The following LGALS8 variants were observed in gnomAD, a reference collection of about 807,000 sequenced individuals.
LGALS8 encodes galectin 8, also known as galectin-8.
A neutral mutation model predicts 35.9 loss-of-function variants in LGALS8; 30 were observed. That is an observed-to-expected ratio of 0.83 (90% CI 0.62 to 1.13). The LOEUF (loss-of-function observed/expected upper bound fraction) is 1.13, where lower values mean the gene tolerates loss of function less well. Ranked by LOEUF, LGALS8 falls within the 50% of genes most tolerant of loss-of-function variation. The probability of loss-of-function intolerance (pLI) is 0.00; values close to 1 mark genes in which losing one functional copy is unlikely to be tolerated. For synonymous variants in LGALS8, 138 were observed against 136.1 expected, an observed-to-expected ratio of 1.01 and a Z score of -0.10; for missense variants, 366 against 388.7, an observed-to-expected ratio of 0.94 and a Z score of 0.49.
Position 236,542,785 on chromosome 1 carries a change from C to T in LGALS8, c.547C>T (p.Leu183Phe), listed in dbSNP as rs751039573. The change falls in exon 7 of 10, where the codon CTT becomes TTT. Residue 183 changes from leucine to phenylalanine, a missense_variant and splice_region_variant. Transcript: ENST00000366584. The stretch of plus-strand genomic sequence containing the variant: ...GGTTCCAAAGTCTGGCACGCCCCAG[C>T]TTGTGAGTATTTTTGCCTGGGTTAT... ...ENVPKSGTPQ[L>F]RLPFAARLNT... 3.1e-5 allele frequency: 50 copies of T among 1,614,166 alleles called. No homozygotes were observed. The highest frequency in any genetic ancestry group is 4.2e-5 in the Non-Finnish European group (49 of 1,180,008).
At chr1:236,537,068 GCA>G (rs1661571583) in intron 2 of LGALS8, among the ~76,000 whole-genome samples, 1 of 146,720 alleles carries the variant, frequency 6.8e-6, no homozygotes, top group Non-Finnish European at 1.5e-5. Flanking sequence ...CCAGGCTGGA[GCA>G]TAGTGGCGCG....
At chr1:236,525,166 G>T (rs1286258723) in intron 1 of LGALS8, among the ~76,000 whole-genome samples, 1 of 152,116 alleles carries the variant, frequency 6.6e-6, no homozygotes, top group Non-Finnish European at 1.5e-5. Flanking sequence ...AGTATTAAAA[G>T]TATTGGATTT....
intron 5 of LGALS8, 130 bp from the exon 6 acceptor site, chr1:236,541,524 T>C (rs1190780131): frequency 3.6e-6 from 2 of 563,080 alleles, no homozygotes; most frequent in African/African-American, 4.0e-5. Flanking sequence ...CAGTGTCAAG[T>C]GTATTTTTGG....
At chr1:236,531,144 T>A (rs890533245) in intron 2 of LGALS8, among the ~76,000 whole-genome samples, 2 of 152,208 alleles carry the variant, frequency 1.3e-5, no homozygotes, top group African/African-American at 4.8e-5. Flanking sequence ...GTAAAACTTA[T>A]GTAAGCAGTC....
In LGALS8 at chr1:236,526,039, A is replaced by C. The variant is rs1660796458; in HGVS notation, c.-32A>C. The C allele has an allele frequency of 6.3e-7, 1 of 1,594,692 alleles. No homozygotes were observed. The highest frequency in any genetic ancestry group is 8.6e-7 in the Non-Finnish European group (1 of 1,162,782). ...CCTAAAATCTTAGGTCATACACAGA[A>C]GAGACTCCAATCGACAAGAAGCTGG... is the stretch of plus-strand genomic sequence containing the variant. On this transcript the variant is annotated 5_prime_UTR_variant, in exon 2 of 10. Transcript: ENST00000366584. This position sits in a 1 kb window ranked among gnomAD's most constrained non-coding sequence, Gnocchi z 4.6.
Position 236,523,996 on chromosome 1 carries a change from C to T in LGALS8, c.-169C>T. 2.5e-6 allele frequency: 1 copy of T among 398,340 alleles called. No individual in the cohort carries two copies. Among genetic ancestry groups the T allele is most frequent in the Non-Finnish European group, 5.1e-6 (1 of 197,296 alleles). The allele number at this position is 398,340 out of a possible 1,614,324, so 24.7% of individuals were successfully genotyped here. On this transcript the variant is annotated 5_prime_UTR_variant, in exon 1 of 10. Transcript: ENST00000366584. Reference sequence around the variant, plus strand: ...CGCCCACGGACGCCAGAGCCGGGAACCCTGACGGCACTTAGCTGCTGACAA... The same window carrying T: ...CGCCCACGGACGCCAGAGCCGGGAATCCTGACGGCACTTAGCTGCTGACAA...
In LGALS8 at chr1:236,524,007, C is replaced by G. The variant is rs1438883981; in HGVS notation, c.-158C>G. 4.8e-6 allele frequency: 2 copies of G among 414,878 alleles called. No individual in the cohort carries two copies. Among genetic ancestry groups the G allele is most frequent in the South Asian group, 3.4e-5 (2 of 58,738 alleles). 25.7% of individuals were successfully genotyped at this position (414,878 alleles called of 1,614,324 possible). A position where few individuals can be genotyped will look rare whatever the true frequency, so the allele number is the denominator to read the frequency against. Reference sequence around the variant, plus strand: ...GCCAGAGCCGGGAACCCTGACGGCACTTAGCTGCTGACAAACAACCTGCTC... The same window carrying G: ...GCCAGAGCCGGGAACCCTGACGGCAGTTAGCTGCTGACAAACAACCTGCTC... On this transcript the variant is annotated 5_prime_UTR_variant, in exon 1 of 10. Transcript: ENST00000366584.
intron 2 of LGALS8, chr1:236,536,611 AGTTCTCT>A (rs1189143877): frequency 6.6e-6 from 1 of 152,288 alleles, no homozygotes; most frequent in African/African-American, 2.4e-5. Flanking sequence ...ATGATCATGC[AGTTCTCT>A]GGTTTCTAAC....
chr1:236,532,500 C>T (rs888906730), intron 2 of LGALS8, among the ~76,000 whole-genome samples: 4 of 152,282 alleles, frequency 2.6e-5, no homozygotes, highest in South Asian at 2.1e-4. Context: ...GCTCTGCCAA[C>T]GCTTCACACC....
upstream of LGALS8, among the ~76,000 whole-genome samples, chr1:236,521,138 C>T (rs1272273959): frequency 1.3e-5 from 2 of 152,128 alleles, no homozygotes; most frequent in Non-Finnish European, 2.9e-5. Flanking sequence ...AGTTTATAGT[C>T]TTATGATGGG....
rs1662565928 is a variant in LGALS8 at position 236,548,691 on chromosome 1, A to ACACAACTCCTTC, written c.*532_*543dup. ...ACCCGAAGACACTAACTTACAGAAGACACAACTCCTTCCCCAGTGATCACT... is the reference window on the plus strand; with the variant it reads ...ACCCGAAGACACTAACTTACAGAAGACACAACTCCTTCCACAACTCCTTCCCCAGTGATCACT... On this transcript the variant is annotated 3_prime_UTR_variant, in exon 10 of 10. Coordinates refer to ENST00000366584, the MANE Select transcript of LGALS8 (RefSeq NM_201544.4). 2.6e-6 allele frequency: 1 copy of ACACAACTCCTTC among 377,830 alleles called. No homozygotes were observed. The highest frequency in any genetic ancestry group is 1.5e-4 in the South Asian group (1 of 6,862). The allele number at this position is 377,830 out of a possible 1,614,324, so 23.4% of individuals were successfully genotyped here.
In LGALS8 at chr1:236,528,510, C is replaced by G. The variant is rs74385547; in HGVS notation, c.45+2395C>G. ...TCTTTATTAGGCATTATAAACACAC[C>G]GCCACTTTTTAATTTTTATTTCATT... On this transcript the variant is annotated intron_variant, in intron 2 of 9. Transcript: ENST00000366584. Among the ~76,000 whole-genome samples the G allele has an allele frequency of 2.0e-5, 3 of 149,904 alleles. No individual in the cohort carries two copies. The South Asian group carries it at 6.3e-4, about 31-fold the overall frequency.
At chr1:236,540,844 T>C (rs971249328) in intron 5 of LGALS8, among the ~76,000 whole-genome samples, 161 bp downstream of exon 5, 4 of 152,226 alleles carry the variant, frequency 2.6e-5, no homozygotes, top group African/African-American at 9.6e-5. Flanking sequence ...AGCAGAAGGC[T>C]GTTTATCAGC....
In LGALS8 at chr1:236,534,092, AC is replaced by A. The variant is rs1661317623; in HGVS notation, c.46-3404del. 2.6e-5 allele frequency among the ~76,000 whole-genome samples: 4 copies of A among 152,132 alleles called. No individual in the cohort carries two copies. The South Asian group carries it at 8.3e-4, about 32-fold the overall frequency. On this transcript the variant is annotated intron_variant, in intron 2 of 9. Coordinates refer to ENST00000366584, the MANE Select transcript of LGALS8 (RefSeq NM_201544.4). Reference sequence around the variant, plus strand: ...TGGCTTCTTCTTGTCACTGGTTCTTACTTAAAAGCTGAGCTGGAAGTTCTAA... The same window carrying A: ...TGGCTTCTTCTTGTCACTGGTTCTTATTAAAAGCTGAGCTGGAAGTTCTAA...
At chr1:236,545,070 G>A (rs918861497) in intron 9 of LGALS8, 155 bp downstream of exon 9, 16 of 528,270 alleles carry the variant, frequency 3.0e-5, no homozygotes, top group South Asian at 1.8e-4. Context: ...TTTTTATAAC[G>A]TGGGCAATCA....
At chr1:236,531,316 TTTTA>T (rs1246456361) in intron 2 of LGALS8, among the ~76,000 whole-genome samples, 27 of 152,106 alleles carry the variant, frequency 1.8e-4, no homozygotes, top group Admixed American at 1.7e-3. Flanking sequence ...TACTTATTTA[TTTTA>T]TTTATTTATT....
intron 3 of LGALS8, among the ~76,000 whole-genome samples, chr1:236,537,960 A>C (rs1251116571): frequency 1.1e-5 from 1 of 88,390 alleles, no homozygotes; most frequent in Non-Finnish European, 2.9e-5. Context: ...TTAAAAATTA[A>C]CTGGCTTGGT....
At chr1:236,529,073 C>G (rs955623611) in intron 2 of LGALS8, among the ~76,000 whole-genome samples, 2 of 151,792 alleles carry the variant, frequency 1.3e-5, no homozygotes, top group African/African-American at 4.8e-5. Flanking sequence ...CCCAGGAGTT[C>G]AAGACCAGCT....
chr1:236,535,734 G>A (rs1661449517), intron 2 of LGALS8, among the ~76,000 whole-genome samples: 1 of 152,132 alleles, frequency 6.6e-6, no homozygotes, highest in Non-Finnish European at 1.5e-5. Context: ...CTGGTGTCAT[G>A]TGCCTCCCAC....
Sources: gnomAD v4.1 joint callset for allele counts (sites outside exome capture counted in the v4.1 genomes callset) on GRCh38, gnomAD v4.1.1 for gene constraint, Gnocchi (gnomAD v3.1) non-coding constraint, MANE v1.5 for transcripts, NCBI Gene and HGNC (gene_info 2026-07-23, HGNC 2026-07-21) for gene names.